NEK11: variants seen among roughly 807,000 people sequenced by gnomAD.
NEK11 encodes serine/threonine-protein kinase Nek11.
Under a neutral mutation model 80.7 loss-of-function variants are expected in NEK11, and 72 were observed. That is an observed-to-expected ratio of 0.89 (90% confidence interval 0.74 to 1.08). The LOEUF is 1.08. NEK11 is among the 50% of genes least tolerant of loss of function. The pLI is 0.00. For synonymous variants in NEK11, 251 were observed against 260.7 expected, an observed-to-expected ratio of 0.96 and a Z score of 0.36; for missense variants, 764 against 763.6, an observed-to-expected ratio of 1.00 and a Z score of -0.01.
intron 14 of NEK11, among the ~76,000 whole-genome samples, chr3:131,223,792 G>A (rs1456328010): frequency 6.6e-6 from 1 of 152,134 alleles, no homozygotes; most frequent in Non-Finnish European, 1.5e-5. Flanking sequence ...GACAGTGGGA[G>A]GTGAACAGTG....
intron 17 of NEK11, among the ~76,000 whole-genome samples, chr3:131,344,302 A>T (rs951861928): frequency 6.6e-6 from 1 of 152,134 alleles, no homozygotes; most frequent in Admixed American, 6.5e-5. Context: ...AACACCTGTG[A>T]CCTTTGCTCC....
At chr3:131,267,431 T>C (rs1283257880) in intron 16 of NEK11, among the ~76,000 whole-genome samples, 2 of 152,258 alleles carry the variant, frequency 1.3e-5, no homozygotes, top group African/African-American at 4.8e-5. Context: ...AGGATTTTAT[T>C]TCTCCCTCGC....
chr3:131,208,477 A>G (rs537761210), intron 14 of NEK11, among the ~76,000 whole-genome samples: 8 of 152,244 alleles, frequency 5.3e-5, no homozygotes, highest in South Asian at 2.1e-4. Context: ...GAACTTTAAA[A>G]TAGTTTTTTC....
At chr3:131,059,603 C>A (rs1048150835) in intron 3 of NEK11, among the ~76,000 whole-genome samples, 2 of 152,160 alleles carry the variant, frequency 1.3e-5, no homozygotes, top group Admixed American at 1.3e-4. Context: ...AATTAAGCTC[C>A]ATCTACATAG....
At chr3:131,157,021 C>T (rs2090779016) in intron 10 of NEK11, among the ~76,000 whole-genome samples, 1 of 150,998 alleles carries the variant, frequency 6.6e-6, no homozygotes, top group Admixed American at 6.6e-5. Flanking sequence ...AGGCCCTTGA[C>T]CCTGTGGCAA....
intron 17 of NEK11, among the ~76,000 whole-genome samples, chr3:131,331,871 C>T (rs1043248530): frequency 6.6e-6 from 1 of 152,206 alleles, no homozygotes; most frequent in Non-Finnish European, 1.5e-5. Flanking sequence ...GCTAGCACAG[C>T]GGTCTGAGAT....
rs1268459312 is a variant in NEK11, at chr3:131,282,422, A to T, written c.1718+8848A>T. Reference sequence around the variant, plus strand: ...GTGATCTTCTTCATAGAACTGTCTCATGCCCTGGTATATTGAATGGCTACC... The same window carrying T: ...GTGATCTTCTTCATAGAACTGTCTCTTGCCCTGGTATATTGAATGGCTACC... On this transcript the variant is annotated intron_variant, in intron 17 of 17. Coordinates refer to ENST00000383366, the MANE Select transcript of NEK11 (RefSeq NM_024800.5). Among the ~76,000 whole-genome samples, 36 of 152,136 alleles carry T rather than the reference A, an allele frequency of 2.4e-4. 1 individual carries two copies. The highest frequency in any genetic ancestry group is 2.4e-3 in the Admixed American group (36 of 15,270).
chr3:131,293,688 A>G (rs1477026918), intron 17 of NEK11, among the ~76,000 whole-genome samples: 1 of 151,988 alleles, frequency 6.6e-6, no homozygotes, highest in African/African-American at 2.4e-5. Context: ...TTCTTCCTTA[A>G]GTGTTTGGTA....
intron 4 of NEK11, among the ~76,000 whole-genome samples, chr3:131,088,893 A>G (rs2149120887): frequency 6.6e-6 from 1 of 152,272 alleles, no homozygotes; most frequent in East Asian, 1.9e-4. Flanking sequence ...CTTAAAGTGC[A>G]CTTCCAAAAT....
At chr3:131,232,001 T>G (rs2095339602) in intron 15 of NEK11, among the ~76,000 whole-genome samples, 1 of 152,190 alleles carries the variant, frequency 6.6e-6, no homozygotes, top group Admixed American at 6.5e-5. Flanking sequence ...TACTGAGTTC[T>G]TTGTGCCACC....
At chr3:131,055,694 C>T (rs956755272) in intron 3 of NEK11, among the ~76,000 whole-genome samples, 8 of 152,100 alleles carry the variant, frequency 5.3e-5, no homozygotes, top group East Asian at 3.8e-4. Context: ...TGCACCACTG[C>T]GCTCCAACCC....
chr3:131,329,861 C>G (rs1262925253), intron 17 of NEK11: 1 of 152,418 alleles, frequency 6.6e-6, no homozygotes, highest in Non-Finnish European at 1.5e-5. Flanking sequence ...GGAAGGTAGG[C>G]AATCTGGAGA....
At chr3:131,039,403 C>T (rs1391915744) in intron 3 of NEK11, among the ~76,000 whole-genome samples, 4 of 152,242 alleles carry the variant, frequency 2.6e-5, no homozygotes, top group Admixed American at 6.5e-5. Flanking sequence ...GTTGTTTCTA[C>T]ACAAGCAGCC....
chr3:131,073,666 C>G (rs1466535856), intron 3 of NEK11, among the ~76,000 whole-genome samples: 1 of 152,112 alleles, frequency 6.6e-6, no homozygotes, highest in Non-Finnish European at 1.5e-5. Context: ...GTCTAGGAAT[C>G]TTTATTTGCT....
chr3:131,097,448 C>G (rs1205707103), intron 4 of NEK11, among the ~76,000 whole-genome samples: 1 of 151,982 alleles, frequency 6.6e-6, no homozygotes, highest in Non-Finnish European at 1.5e-5. Context: ...GAGATGGTAT[C>G]TCATTGTGGT....
At chr3:131,291,670 T>G (rs745780605) in intron 17 of NEK11, among the ~76,000 whole-genome samples, 1 of 152,168 alleles carries the variant, frequency 6.6e-6, no homozygotes. Context: ...TAGTATCTCA[T>G]TGTCTTAATT....
chr3:131,183,969 C>T (rs912676879), intron 14 of NEK11, among the ~76,000 whole-genome samples: 7 of 152,010 alleles, frequency 4.6e-5, no homozygotes, highest in Non-Finnish European at 1.0e-4. Context: ...TTTTTATAAT[C>T]GCAGAGGCCA....
chr3:131,142,640 T>A (rs186377486), intron 7 of NEK11, among the ~76,000 whole-genome samples: 18 of 152,292 alleles, frequency 1.2e-4, no homozygotes, highest in Admixed American at 3.3e-4. Flanking sequence ...CTACCCCAAC[T>A]CCAAACATCC....
chr3:131,325,405 G>A (rs1381525582), intron 17 of NEK11: 3 of 151,806 alleles, frequency 2.0e-5, no homozygotes, highest in Non-Finnish European at 4.4e-5. Context: ...ATTCTTGGTG[G>A]TGATAAACAC....
Sources: gnomAD v4.1 joint callset for allele counts (sites outside exome capture counted in the v4.1 genomes callset) on GRCh38, gnomAD v4.1.1 for gene constraint, MANE v1.5 for transcripts, NCBI Gene and HGNC (gene_info 2026-07-23, HGNC 2026-07-21) for gene names.